Variants in SCAPER observed in about 807,000 individuals in gnomAD.
SCAPER encodes the protein S-phase cyclin A associated protein in the ER.
Under a neutral mutation model 182.2 loss-of-function variants are expected in SCAPER, and 98 were observed. That is an observed-to-expected ratio of 0.54 (90% CI 0.46 to 0.64). The LOEUF (loss-of-function observed/expected upper bound fraction) is 0.64. Ranked by LOEUF, SCAPER falls within the 30% of genes least tolerant of loss-of-function variation. SCAPER has a pLI of 0.00. For synonymous variants in SCAPER, 605 were observed against 564.6 expected (o/e 1.07, Z -1.01); for missense variants, 1,432 against 1,690.0 (o/e 0.85, Z 2.68).
chr15:76,613,027 A>G (rs1350634685), intron 22 of SCAPER, among the ~76,000 whole-genome samples: 1 of 152,234 alleles, frequency 6.6e-6, no homozygotes, highest in Non-Finnish European at 1.5e-5. Flanking sequence ...AAACTATACT[A>G]CAGGGCTACA....
intron 1 of SCAPER, among the ~76,000 whole-genome samples, chr15:76,888,569 G>T (rs2152584859): frequency 6.6e-6 from 1 of 152,192 alleles, no homozygotes; most frequent in African/African-American, 2.4e-5. Flanking sequence ...TGGAAGAAAG[G>T]ATATCAGTGA....
chr15:76,465,611 C>G (rs978753532), intron 25 of SCAPER, among the ~76,000 whole-genome samples: 1 of 151,852 alleles, frequency 6.6e-6, no homozygotes, highest in Non-Finnish European at 1.5e-5. Flanking sequence ...TTTTGTTGCC[C>G]CTGCTTTGGT....
intron 22 of SCAPER, among the ~76,000 whole-genome samples, chr15:76,619,143 C>A (rs948676634): frequency 6.6e-6 from 1 of 152,172 alleles, no homozygotes; most frequent in Admixed American, 6.5e-5. Context: ...CCGCACCCAG[C>A]CGTGTTTCTA....
chr15:76,445,516 C>T (rs1291970949), intron 25 of SCAPER, among the ~76,000 whole-genome samples: 2 of 152,114 alleles, frequency 1.3e-5, no homozygotes, highest in African/African-American at 4.8e-5. Flanking sequence ...TTACTGTCAG[C>T]TGGGGGTGAA....
At chr15:76,842,079 C>T in intron 4 of SCAPER, 148 bp from the exon 5 acceptor site, 1 of 652,118 alleles carries the variant, frequency 1.5e-6, no homozygotes, top group Non-Finnish European at 2.6e-6. Context: ...TTTTTCCTAT[C>T]ATTATTCTCT....
At chr15:76,622,023 A>G (rs1019220332) in intron 21 of SCAPER, among the ~76,000 whole-genome samples, 194 bp from the exon 22 acceptor site, 1 of 152,346 alleles carries the variant, frequency 6.6e-6, no homozygotes, top group African/African-American at 2.4e-5. Flanking sequence ...TAATACAAAA[A>G]AAGTCATTTA....
chr15:76,827,511 T>C (rs1388374334), intron 5 of SCAPER, among the ~76,000 whole-genome samples: 4 of 152,030 alleles, frequency 2.6e-5, no homozygotes, highest in African/African-American at 9.7e-5. Flanking sequence ...AGAGATAGAA[T>C]TGATCCAAGT....
intron 14 of SCAPER, among the ~76,000 whole-genome samples, chr15:76,755,617 A>C (rs778335920): frequency 3.9e-5 from 6 of 152,190 alleles, no homozygotes; most frequent in Non-Finnish European, 8.8e-5. Flanking sequence ...AATCTAAGCC[A>C]CCTGGTTTTA....
chr15:76,809,658 GA>G (rs1598852410), intron 5 of SCAPER, among the ~76,000 whole-genome samples: 1 of 152,252 alleles, frequency 6.6e-6, no homozygotes, highest in East Asian at 1.9e-4. Context: ...AGTTAGAAAA[GA>G]AGAAGAGAAA....
chr15:76,742,323 T>G (rs1323423149), intron 15 of SCAPER, among the ~76,000 whole-genome samples: 1 of 150,390 alleles, frequency 6.6e-6, no homozygotes, highest in East Asian at 1.9e-4. Flanking sequence ...ATAAAACAGG[T>G]GTACAAAAGT....
chr15:76,773,595 A>C (rs556366411), intron 9 of SCAPER, among the ~76,000 whole-genome samples: 1 of 152,064 alleles, frequency 6.6e-6, no homozygotes, highest in South Asian at 2.1e-4. Context: ...ATATTGTTAG[A>C]AATTAAAAAG....
intron 17 of SCAPER, among the ~76,000 whole-genome samples, chr15:76,718,327 A>G (rs749027555): frequency 2.2e-4 from 34 of 152,198 alleles, no homozygotes; most frequent in Non-Finnish European, 3.5e-4. Flanking sequence ...AAAATCAATA[A>G]AACATCAGCC....
In SCAPER at chr15:76,800,321, G is replaced by A. The variant is rs200643815; in HGVS notation, c.538C>T (p.Arg180Cys). ...GTTGATGGACTTGGAATCACATGGCGTCCCGGAGACATCTTCTTTACTTCC... is the reference window on the plus strand; with the variant it reads ...GTTGATGGACTTGGAATCACATGGCATCCCGGAGACATCTTCTTTACTTCC... ...AWEVKKMSPGRHVIPSPSTDR... is the reference protein window; with the variant it reads ...AWEVKKMSPGCHVIPSPSTDR... Residue 180 changes from arginine to cysteine, a missense_variant, in exon 7 of 32, where the codon CGC (arginine) becomes TGC (cysteine). Around this residue, in one of 5 missense-constraint regions of SCAPER, gnomAD observed 480 missense variants for 510.2 expected, o/e 0.94. Transcript: ENST00000563290. 1.8e-5 allele frequency: 29 copies of A among 1,612,976 alleles called. No homozygotes were observed. The highest frequency in any genetic ancestry group is 1.6e-4 in the East Asian group (7 of 44,860).
intron 23 of SCAPER, among the ~76,000 whole-genome samples, chr15:76,568,416 C>T (rs567160657): frequency 5.9e-5 from 9 of 152,026 alleles, no homozygotes; most frequent in East Asian, 1.9e-4. Context: ...AGTGCAGTGG[C>T]GCGATCTTGG....
At chr15:76,543,152 A>T (rs2044930945) in intron 23 of SCAPER, among the ~76,000 whole-genome samples, 1 of 152,220 alleles carries the variant, frequency 6.6e-6, no homozygotes. Flanking sequence ...GAAAAAATGC[A>T]TTGAGTGTCA....
chr15:76,715,741 T>C (rs551762231), intron 17 of SCAPER, among the ~76,000 whole-genome samples: 1 of 152,216 alleles, frequency 6.6e-6, no homozygotes, highest in Non-Finnish European at 1.5e-5. Context: ...GGACTGAGTC[T>C]CCAGAGACCC....
intron 15 of SCAPER, among the ~76,000 whole-genome samples, chr15:76,744,947 G>A (rs1357278549): frequency 6.6e-6 from 1 of 152,126 alleles, no homozygotes; most frequent in Non-Finnish European, 1.5e-5. Flanking sequence ...TATACAACAT[G>A]GAATACTACG....
rs62028736 is a variant in SCAPER, at chr15:76,769,787, A to G, written c.1248+1955T>C. On this transcript the variant is annotated intron_variant, in intron 10 of 31. Transcript: ENST00000563290. ...TAAATTAGTTCAACTATTGTGGAAG[A>G]CAGTGTGGTGATTCCTTAAGGATCT... Among the ~76,000 whole-genome samples the G allele has an allele frequency of 2.6e-3, 403 of 152,322 alleles. 1 individual carries two copies. Among genetic ancestry groups the G allele is most frequent in the Non-Finnish European group, 4.8e-3 (328 of 68,022 alleles).
intron 17 of SCAPER, among the ~76,000 whole-genome samples, chr15:76,711,612 T>G (rs2059570287): frequency 6.6e-6 from 1 of 152,200 alleles, no homozygotes; most frequent in Non-Finnish European, 1.5e-5. Flanking sequence ...AAAAAATAGT[T>G]TTTAATGATT....
Sources: gnomAD v4.1 joint callset for allele counts (sites outside exome capture counted in the v4.1 genomes callset) on GRCh38, gnomAD v4.1.1 for gene constraint, gnomAD v4.1.1 regional missense constraint, MANE v1.5 for transcripts, NCBI Gene and HGNC (gene_info 2026-07-23, HGNC 2026-07-21) for gene names.